DHX33: variants seen among roughly 807,000 people sequenced by gnomAD.
The protein encoded by DHX33 is DEAH-box helicase 33.
Under a neutral mutation model 72.5 loss-of-function variants are expected in DHX33, and 42 were observed. The ratio of observed to expected loss-of-function variants is 0.58; its 90% confidence interval spans 0.45 to 0.75. DHX33 has a LOEUF of 0.75. Among genes scored for constraint, DHX33 ranks in the 30% least tolerant of loss-of-function variants. DHX33 has a pLI of 0.00. For synonymous variants in DHX33, 358 were observed against 366.1 expected, an observed-to-expected ratio of 0.98 and a Z score of 0.25; for missense variants, 842 against 917.5, an observed-to-expected ratio of 0.92 and a Z score of 1.06.
intron 4 of DHX33, among the ~76,000 whole-genome samples, chr17:5,460,015 CTT>C (rs747129450): frequency 1.4e-4 from 19 of 131,514 alleles, no homozygotes; most frequent in Middle Eastern, 3.6e-3. Context: ...GAAAAAGTAC[CTT>C]TTTTTTTTTT....
At chr17:5,468,429 C>A in intron 1 of DHX33, 142 bp downstream of exon 1, 1 of 1,147,024 alleles carries the variant, frequency 8.7e-7, no homozygotes, top group Non-Finnish European at 1.2e-6. Context: ...TTCTTCGAGG[C>A]CCCTCTCCAG....
rs75426953 is a variant in DHX33 at position 5,444,468 on chromosome 17, G to A, written c.1861C>T (p.Arg621Cys). 35,175 of 1,614,122 alleles carry A rather than the reference G, an allele frequency of 0.022. 468 individuals carry two copies. Among genetic ancestry groups the A allele is most frequent in the Non-Finnish European group, 0.027 (31,599 of 1,180,024 alleles). ...AAGAGGCTGTGAGCCAGGCAGCGGC[G>A]GACACTCTCCACGTCTCCTCGGGAT... is the stretch of plus-strand genomic sequence containing the variant. The part of the protein sequence containing the change: ...ASSRGDVESV[R>C]RCLAHSLFMS... Residue 621 changes from arginine to cysteine, a missense_variant, in exon 12 of 12, where the codon CGC becomes TGC. Arg to Cys is a radical substitution (Grantham distance 180). Coordinates refer to ENST00000225296, the MANE Select transcript of DHX33 (RefSeq NM_020162.4). This position sits in a 1 kb window ranked among gnomAD's most constrained non-coding sequence, Gnocchi z 4.9.
intron 1 of DHX33, among the ~76,000 whole-genome samples, chr17:5,464,790 G>A (rs1904799271): frequency 6.6e-6 from 1 of 152,124 alleles, no homozygotes; most frequent in Non-Finnish European, 1.5e-5. Context: ...TCAACTCCTG[G>A]CCACTCCCCA....
At chr17:5,448,951 C>A in intron 10 of DHX33, 56 bp from the exon 11 acceptor site, 1 of 1,419,660 alleles carries the variant, frequency 7.0e-7, no homozygotes, top group East Asian at 2.3e-5. Flanking sequence ...TATATGTTCA[C>A]AGAGACGGGG....
chr17:5,464,524 C>G (rs1904784951), intron 1 of DHX33, among the ~76,000 whole-genome samples: 1 of 151,974 alleles, frequency 6.6e-6, no homozygotes. Context: ...TTTTTTAAAT[C>G]TTTAAAATGT....
chr17:5,460,296 G>C (rs1343771350), intron 4 of DHX33, among the ~76,000 whole-genome samples: 1 of 152,088 alleles, frequency 6.6e-6, no homozygotes, highest in Non-Finnish European at 1.5e-5. Flanking sequence ...TTACAGGCGT[G>C]AGCCACTGTG....
intron 1 of DHX33, among the ~76,000 whole-genome samples, chr17:5,464,945 C>T (rs985138682): frequency 2.0e-5 from 3 of 152,188 alleles, no homozygotes; most frequent in African/African-American, 7.2e-5. Context: ...CTCTGGGCTC[C>T]GTAGTGCCTT....
intron 8 of DHX33, among the ~76,000 whole-genome samples, chr17:5,451,674 T>C (rs932173793): frequency 6.6e-6 from 1 of 152,126 alleles, no homozygotes; most frequent in Non-Finnish European, 1.5e-5. Context: ...CTTTGAACCA[T>C]GTAAATATAG....
intron 7 of DHX33, 70 bp from the exon 8 acceptor site, chr17:5,453,738 AGT>A: frequency 6.2e-7 from 1 of 1,612,116 alleles, no homozygotes; most frequent in South Asian, 1.1e-5. Context: ...CTCATGGTGG[AGT>A]GTGAGTAAAA....
intron 10 of DHX33, among the ~76,000 whole-genome samples, chr17:5,449,333 T>C (rs1275430810): frequency 6.6e-6 from 1 of 152,182 alleles, no homozygotes; most frequent in Admixed American, 6.5e-5. Context: ...CTACAAGTCA[T>C]TAAGAAAAAG....
chr17:5,461,095 T>A lies in DHX33; in HGVS notation c.693A>T (p.Ser231=). 2 of 1,609,094 alleles carry A rather than the reference T, an allele frequency of 1.2e-6. No homozygotes were observed. The highest frequency in any genetic ancestry group is 1.7e-6 in the Non-Finnish European group (2 of 1,176,492). ...AGAACAGGTCCACATCCATCGTAGC[T>A]GACATCACAATCACCTGCATAAGAG... The part of the protein sequence containing the change: ...GKLPLKVIVM[S]ATMDVDLFSQ... Residue 231 remains serine (S), a synonymous_variant, in exon 4 of 12, where the codon TCA becomes TCT. Transcript: ENST00000225296.
rs201733699 is a variant in DHX33, at chr17:5,461,123, C to T, written c.679-14G>A. 46 of 1,593,442 alleles carry T rather than the reference C, an allele frequency of 2.9e-5. No homozygotes were observed. The highest frequency in any genetic ancestry group is 3.3e-4 in the Middle Eastern group (2 of 5,982). ...CATCACAATCACCTGCATAAGAGAA[C>T]GAAGAGGAGGACCAGAAACAAATAG... On this transcript the variant is annotated splice_polypyrimidine_tract_variant and intron_variant, in intron 3 of 11. Transcript: ENST00000225296.
intron 1 of DHX33, among the ~76,000 whole-genome samples, chr17:5,466,067 T>C (rs1287645068): frequency 2.6e-5 from 4 of 152,168 alleles, no homozygotes; most frequent in Non-Finnish European, 5.9e-5. Context: ...CCCTCCCTAC[T>C]GAGTTCTTCC....
intron 8 of DHX33, among the ~76,000 whole-genome samples, chr17:5,452,297 T>C (rs890724344): frequency 6.6e-6 from 1 of 152,200 alleles, no homozygotes; most frequent in African/African-American, 2.4e-5. Context: ...CCCAGCACTT[T>C]GGGAGACCGA....
At chr17:5,448,382 T>C (rs1231277385) in intron 11 of DHX33, among the ~76,000 whole-genome samples, 1 of 152,210 alleles carries the variant, frequency 6.6e-6, no homozygotes, top group East Asian at 1.9e-4. Flanking sequence ...TTAACAGTAG[T>C]TATCTCTGGA....
intron 8 of DHX33, among the ~76,000 whole-genome samples, 178 bp from the exon 9 acceptor site, chr17:5,451,112 C>T (rs1388027000): frequency 2.6e-5 from 4 of 152,152 alleles, no homozygotes. Context: ...GTTCAATTCC[C>T]TTTTCTTTTT....
At position 5,453,607 on chromosome 17, in the gene DHX33, A is replaced by G. The variant is rs1241547990; in HGVS notation, c.1369T>C (p.Phe457Leu). The change falls in exon 8 of 12, where the codon TTT (phenylalanine) becomes CTT (leucine). Residue 457 changes from phenylalanine to leucine, a missense_variant. Coordinates refer to ENST00000225296, the MANE Select transcript of DHX33 (RefSeq NM_020162.4). ...LAMKVPNVLT[F>L]DFMSKPSPDH... is the part of the protein sequence containing the mutation. The stretch of plus-strand genomic sequence containing the variant: ...GGAGATGGCTTCGACATGAAGTCAA[A>G]GGTGAGCACATTTGGGACTTTCATT... The G allele has an allele frequency of 6.2e-7, 1 of 1,614,222 alleles. No individual in the cohort carries two copies. Among genetic ancestry groups the G allele is most frequent in the Middle Eastern group, 1.6e-4 (1 of 6,062 alleles).
intron 8 of DHX33, among the ~76,000 whole-genome samples, chr17:5,451,683 A>C (rs1196823401): frequency 6.6e-6 from 1 of 152,228 alleles, no homozygotes; most frequent in African/African-American, 2.4e-5. Context: ...ATGTAAATAT[A>C]GTACCTATTA....
chr17:5,454,012 A>G, intron 6 of DHX33, 32 bp from the exon 7 acceptor site: 1 of 1,606,956 alleles, frequency 6.2e-7, no homozygotes, highest in Non-Finnish European at 8.5e-7. Context: ...TTAGTGCTTC[A>G]TCACATGAAC....
Sources: gnomAD v4.1 joint callset for allele counts (sites outside exome capture counted in the v4.1 genomes callset) on GRCh38, gnomAD v4.1.1 for gene constraint, Gnocchi (gnomAD v3.1) non-coding constraint, MANE v1.5 for transcripts, NCBI Gene and HGNC (gene_info 2026-07-23, HGNC 2026-07-21) for gene names.